FREM1: variants seen among roughly 807,000 people sequenced by gnomAD.
FREM1 encodes FRAS1-related extracellular matrix protein 1.
A neutral mutation model predicts 210.1 loss-of-function variants in FREM1; 220 were observed. The ratio of observed to expected loss-of-function variants is 1.05; its 90% CI spans 0.94 to 1.17. FREM1 has a LOEUF of 1.17. Among genes scored for constraint, FREM1 ranks in the 50% most tolerant of loss-of-function variants. The pLI, the probability that FREM1 is intolerant of heterozygous loss-of-function variation, is 0.00. For synonymous variants in FREM1, 1,189 were observed against 980.2 expected, an observed-to-expected ratio of 1.21 and a Z score of -3.98; for missense variants, 3,454 against 2,675.5, an observed-to-expected ratio of 1.29 and a Z score of -6.42.
At position 14,783,784 on chromosome 9, in the gene FREM1, G is replaced by A. The variant is rs151174061; in HGVS notation, c.4442+586C>T. On this transcript the variant is annotated intron_variant, in intron 24 of 36. Coordinates refer to ENST00000380880, the MANE Select transcript of FREM1 (RefSeq NM_001379081.2). ...TTATTTGATACGGAATTCTGGAACAGGTGCGCAGCCCCCAATTACAACATT... is the reference window on the plus strand; with the variant it reads ...TTATTTGATACGGAATTCTGGAACAAGTGCGCAGCCCCCAATTACAACATT... Among the ~76,000 whole-genome samples the A allele has an allele frequency of 3.3e-3, 506 of 152,270 alleles. 3 individuals carry two copies. The highest frequency in any genetic ancestry group is 0.012 in the African/African-American group (485 of 41,552).
At position 14,746,906 on chromosome 9, in the gene FREM1, C is replaced by T; in HGVS notation, c.6138+17G>A. Reference sequence around the variant, plus strand: ...CATTGCGAATAAAGGTGCTTGGCTGCTCAGCCTGCCTCCTACCTTGGTTTG... The same window carrying T: ...CATTGCGAATAAAGGTGCTTGGCTGTTCAGCCTGCCTCCTACCTTGGTTTG... On this transcript the variant is annotated intron_variant, in intron 34 of 36. Coordinates refer to ENST00000380880, the MANE Select transcript of FREM1 (RefSeq NM_001379081.2). 1.9e-6 allele frequency: 3 copies of T among 1,610,474 alleles called. No homozygotes were observed. Among genetic ancestry groups the T allele is most frequent in the Non-Finnish European group, 2.5e-6 (3 of 1,179,060 alleles).
chr9:14,820,656 C>T (rs1821130943), intron 13 of FREM1, among the ~76,000 whole-genome samples: 2 of 152,208 alleles, frequency 1.3e-5, no homozygotes, highest in Admixed American at 1.3e-4. Context: ...CAGCCCCTTG[C>T]ATCATGGAAA....
In FREM1 at chr9:14,797,103, G is replaced by T. The variant is rs139725389; in HGVS notation, c.3839+395C>A. 6.8e-4 allele frequency among the ~76,000 whole-genome samples: 103 copies of T among 152,328 alleles called. 1 individual carries two copies. Among genetic ancestry groups the T allele is most frequent in the African/African-American group, 2.4e-3 (100 of 41,574 alleles). ...AGTTACAAGTTTCAGCAAATCTGTT[G>T]TAAGGACTGTCTGCAGTTAATGTTA... On this transcript the variant is annotated intron_variant, in intron 21 of 36. Coordinates refer to ENST00000380880, the MANE Select transcript of FREM1 (RefSeq NM_001379081.2).
intron 5 of FREM1, among the ~76,000 whole-genome samples, chr9:14,854,242 A>T (rs1448588405): frequency 6.6e-6 from 1 of 152,228 alleles, no homozygotes; most frequent in Non-Finnish European, 1.5e-5. Flanking sequence ...TTATTTTGCA[A>T]GACAAATTTT....
chr9:14,887,839 A>G (rs2132305316), intron 1 of FREM1, among the ~76,000 whole-genome samples: 1 of 152,280 alleles, frequency 6.6e-6, no homozygotes, highest in Non-Finnish European at 1.5e-5. Context: ...GATTTAAGTG[A>G]CATAATGGAG....
At position 14,859,462 on chromosome 9, in the gene FREM1, T is replaced by C; in HGVS notation, c.352A>G (p.Ile118Val). The C allele has an allele frequency of 1.9e-6, 3 of 1,613,156 alleles. No individual in the cohort carries two copies. The highest frequency in any genetic ancestry group is 1.1e-5 in the South Asian group (1 of 90,964). ...LYRFTERDTF[I>V]ETFILWVYLL... Reference sequence around the variant, plus strand: ...TAGACCCACAGGATAAAAGTTTCTATGAAGGTATCTCTTTCAGTAAATCTG... The same window carrying C: ...TAGACCCACAGGATAAAAGTTTCTACGAAGGTATCTCTTTCAGTAAATCTG... Residue 118 changes from isoleucine to valine, a missense_variant, in exon 4 of 37, where the codon ATA (isoleucine) becomes GTA (valine). Physicochemically the swap from Ile to Val is conservative, Grantham distance 29. Transcript: ENST00000380880.
chr9:14,868,686 T>A, intron 2 of FREM1, 58 bp downstream of exon 2: 2 of 1,103,580 alleles, frequency 1.8e-6, no homozygotes, highest in Non-Finnish European at 2.7e-6. Flanking sequence ...CCCCCACACA[T>A]TTTCATACAC....
rs1390421545 is a variant in FREM1, at chr9:14,823,248, G to C, written c.2249C>G (p.Thr750Arg). The C allele has an allele frequency of 6.2e-7, 1 of 1,613,886 alleles. No homozygotes were observed. The highest frequency in any genetic ancestry group is 1.1e-5 in the South Asian group (1 of 91,084). ...GCCATGTTGGTTACTGACAGAAAAT[G>C]TGAACTGGACATCTCTGCAATGGGG... ...IGPHCRDVQF[T>R]FSVSNQHGGT... Residue 750 changes from threonine (T) to arginine (R), a missense_variant, in exon 13 of 37, where the codon ACA (threonine) becomes AGA (arginine). By Grantham distance (71) the Thr-to-Arg change is moderately conservative (BLOSUM62 -1). Coordinates refer to ENST00000380880, the MANE Select transcript of FREM1 (RefSeq NM_001379081.2).
intron 1 of FREM1, among the ~76,000 whole-genome samples, chr9:14,897,138 T>C (rs1837879614): frequency 6.6e-6 from 1 of 152,180 alleles, no homozygotes; most frequent in Admixed American, 6.5e-5. Context: ...AAGGAGCTTA[T>C]CCAAATTTTA....
At chr9:14,751,177 TG>T (rs1372811296) in intron 29 of FREM1, among the ~76,000 whole-genome samples, 3 of 152,190 alleles carry the variant, frequency 2.0e-5, no homozygotes, top group Non-Finnish European at 4.4e-5. Context: ...TACTTTTAAG[TG>T]GAGAAAGAAG....
intron 6 of FREM1, among the ~76,000 whole-genome samples, chr9:14,849,193 G>T (rs749751872): frequency 1.7e-4 from 26 of 152,084 alleles, no homozygotes; most frequent in Non-Finnish European, 2.9e-4. Context: ...TCAGAAGTCG[G>T]TGTGTGGGAA....
At chr9:14,909,344 G>A (rs1052454140) in intron 1 of FREM1, among the ~76,000 whole-genome samples, 1 of 134,454 alleles carries the variant, frequency 7.4e-6, no homozygotes, top group Admixed American at 7.3e-5. Flanking sequence ...ACTGAGCAGA[G>A]AGAGCCTAAA....
At chr9:14,796,027 A>G (rs1007090668) in intron 21 of FREM1, among the ~76,000 whole-genome samples, 4 of 152,228 alleles carry the variant, frequency 2.6e-5, no homozygotes, top group Admixed American at 6.5e-5. Flanking sequence ...AGAAATAAGA[A>G]AATAGAAATT....
chr9:14,778,947 T>C (rs540182641), intron 24 of FREM1, among the ~76,000 whole-genome samples: 13 of 152,316 alleles, frequency 8.5e-5, no homozygotes, highest in Non-Finnish European at 1.8e-4. Context: ...TTCAAACTTT[T>C]TACTTAGTCA....
At chr9:14,787,360 A>C (rs1361315134) in intron 23 of FREM1, among the ~76,000 whole-genome samples, 1 of 152,242 alleles carries the variant, frequency 6.6e-6, no homozygotes, top group Admixed American at 6.5e-5. Context: ...TGAAAATGTT[A>C]ATAGGATAAT....
intron 1 of FREM1, among the ~76,000 whole-genome samples, chr9:14,891,515 C>G (rs1359566332): frequency 2.6e-5 from 4 of 152,130 alleles, no homozygotes; most frequent in Non-Finnish European, 5.9e-5. Context: ...TTGCTTGAGC[C>G]AGGGAGCTCA....
chr9:14,800,616 G>C (rs1817092174), intron 20 of FREM1, among the ~76,000 whole-genome samples: 1 of 151,840 alleles, frequency 6.6e-6, no homozygotes, highest in South Asian at 2.1e-4. Flanking sequence ...GATCTCAATA[G>C]TTTTAAAAAG....
At chr9:14,740,061 C>A in intron 36 of FREM1, 88 bp downstream of exon 36, 3 of 744,114 alleles carry the variant, frequency 4.0e-6, no homozygotes, top group Non-Finnish European at 6.9e-6. Flanking sequence ...ATCATTTAAC[C>A]CATGGAAGGA....
intron 1 of FREM1, among the ~76,000 whole-genome samples, chr9:14,893,765 T>C (rs142274363): frequency 6.6e-6 from 1 of 152,318 alleles, no homozygotes; most frequent in African/African-American, 2.4e-5. Flanking sequence ...TGGATTTTTT[T>C]GCCTAGATTA....
Sources: allele counts gnomAD v4.1 joint callset (sites outside exome capture counted in the v4.1 genomes callset), GRCh38; gene constraint gnomAD v4.1.1; transcripts MANE v1.5; gene names NCBI Gene and HGNC (gene_info 2026-07-23, HGNC 2026-07-21).